The following KIAA1217 variants were observed in gnomAD, a reference collection of about 807,000 sequenced individuals.
KIAA1217 encodes the protein sickle tail protein homolog.
Under a neutral mutation model 163.9 loss-of-function variants are expected in KIAA1217, and 88 were observed. The ratio of observed to expected loss-of-function variants is 0.54; its 90% CI spans 0.45 to 0.64. The LOEUF is 0.64. KIAA1217 is among the 30% of genes least tolerant of loss of function. The pLI, the probability that KIAA1217 is intolerant of heterozygous loss-of-function variation, is 0.00. For missense variants in KIAA1217, 2,372 were observed against 2,475.0 expected, an observed-to-expected ratio of 0.96 and a Z score of 0.88; for synonymous variants, 903 against 923.1, an observed-to-expected ratio of 0.98 and a Z score of 0.39.
At chr10:24,490,317 T>A (rs2065950347) in intron 6 of KIAA1217, among the ~76,000 whole-genome samples, 1 of 152,228 alleles carries the variant, frequency 6.6e-6, no homozygotes, top group African/African-American at 2.4e-5. Context: ...AGCCTAAATG[T>A]CTTTAATATT....
intron 4 of KIAA1217, among the ~76,000 whole-genome samples, chr10:24,437,955 A>T (rs1187892299): frequency 1.3e-5 from 2 of 150,230 alleles, no homozygotes; most frequent in African/African-American, 4.9e-5. Context: ...TTTCATGTAC[A>T]TTCATTAGAT....
chr10:24,071,878 T>A (rs1217746992), intron 2 of KIAA1217, among the ~76,000 whole-genome samples: 2 of 152,196 alleles, frequency 1.3e-5, no homozygotes, highest in Non-Finnish European at 2.9e-5. Context: ...AAATATTTAT[T>A]TAGAAAATAA....
intron 3 of KIAA1217, among the ~76,000 whole-genome samples, chr10:24,392,704 T>C (rs2055147277): frequency 6.6e-6 from 1 of 152,226 alleles, no homozygotes; most frequent in African/African-American, 2.4e-5. Flanking sequence ...ACTCTACACT[T>C]TCCCCGGGAA....
intron 1 of KIAA1217, among the ~76,000 whole-genome samples, chr10:23,749,068 A>G (rs541983348): frequency 6.6e-6 from 1 of 152,282 alleles, no homozygotes; most frequent in Admixed American, 6.5e-5. Flanking sequence ...GTATATTTCC[A>G]GAAGTGGACA....
At chr10:23,980,610 G>T (rs1314164905) in intron 1 of KIAA1217, among the ~76,000 whole-genome samples, 1 of 152,146 alleles carries the variant, frequency 6.6e-6, no homozygotes, top group Admixed American at 6.5e-5. Context: ...ATGTTGTAAG[G>T]CATCAGAAAA....
Position 24,103,396 on chromosome 10 carries a change from T to C in KIAA1217, c.-171+96022T>C, listed in dbSNP as rs546438383. 4.6e-4 allele frequency among the ~76,000 whole-genome samples: 70 copies of C among 152,260 alleles called. 1 individual carries two copies. In the South Asian group the frequency reaches 0.013, roughly 29 times the overall value. On this transcript the variant is annotated intron_variant, in intron 2 of 18. Coordinates refer to the KIAA1217 transcript ENST00000376462. Reference sequence around the variant, plus strand: ...AAGCCACAATCCATGAAATAAATAATTGATAAGCCAGCCTACATCAAAAAT... The same window carrying C: ...AAGCCACAATCCATGAAATAAATAACTGATAAGCCAGCCTACATCAAAAAT...
At chr10:24,221,600 T>C (rs1427704317) in intron 2 of KIAA1217, among the ~76,000 whole-genome samples, 1 of 152,216 alleles carries the variant, frequency 6.6e-6, no homozygotes, top group Non-Finnish European at 1.5e-5. Context: ...ATTATCTGAG[T>C]GGCTAAAAAT....
intron 1 of KIAA1217, among the ~76,000 whole-genome samples, chr10:23,703,913 T>C (rs1836659744): frequency 6.6e-6 from 1 of 151,454 alleles, no homozygotes; most frequent in Non-Finnish European, 1.5e-5. Context: ...AAACTGCATT[T>C]TTGTTTTTGT....
intron 1 of KIAA1217, among the ~76,000 whole-genome samples, chr10:23,867,437 C>T (rs2131151502): frequency 6.6e-6 from 1 of 152,260 alleles, no homozygotes; most frequent in African/African-American, 2.4e-5. Flanking sequence ...CTGACTTCCA[C>T]AATGGTTGAA....
At chr10:24,433,603 G>A (rs1004294686) in intron 4 of KIAA1217, among the ~76,000 whole-genome samples, 14 of 152,268 alleles carry the variant, frequency 9.2e-5, no homozygotes, top group African/African-American at 3.1e-4. Context: ...AAGGGTTAGG[G>A]AAACTAAGGC....
Position 23,857,092 on chromosome 10 carries a change from G to A in KIAA1217, c.-320-150133G>A, listed in dbSNP as rs899305979. On this transcript the variant is annotated intron_variant, in intron 1 of 18. Coordinates refer to the KIAA1217 transcript ENST00000376462. Reference sequence around the variant, plus strand: ...TCAGATGGAAATGCAGAAATCACCCGTCTTCTGTGTCGCTCAGGCTGGGAG... The same window carrying A: ...TCAGATGGAAATGCAGAAATCACCCATCTTCTGTGTCGCTCAGGCTGGGAG... Among the ~76,000 whole-genome samples, 14 of 152,308 alleles carry A rather than the reference G, an allele frequency of 9.2e-5. 1 individual carries two copies. Among genetic ancestry groups the A allele is most frequent in the East Asian group, 1.9e-4 (1 of 5,186 alleles).
At chr10:24,372,054 T>C (rs11014064) in intron 2 of KIAA1217, among the ~76,000 whole-genome samples, 77,089 of 151,760 alleles carry the variant, frequency 0.51, 21,836 homozygotes, top group African/African-American at 0.77. Flanking sequence ...ACTCCTGGAG[T>C]GGGGAGGCAG....
At chr10:24,382,036 T>G (rs2053380439) in intron 3 of KIAA1217, among the ~76,000 whole-genome samples, 1 of 151,858 alleles carries the variant, frequency 6.6e-6, no homozygotes, top group Non-Finnish European at 1.5e-5. Context: ...TTTTTTGTAT[T>G]GGAAGTTTAC....
At chr10:24,252,041 G>A (rs1427722867) in intron 2 of KIAA1217, among the ~76,000 whole-genome samples, 1 of 152,008 alleles carries the variant, frequency 6.6e-6, no homozygotes, top group African/African-American at 2.4e-5. Context: ...GAAAGGATCA[G>A]TTTCTATCTA....
At chr10:24,270,875 A>C in intron 2 of KIAA1217, among the ~76,000 whole-genome samples, 1 of 152,132 alleles carries the variant, frequency 6.6e-6, no homozygotes, top group East Asian at 1.9e-4. Flanking sequence ...GATATTTGGG[A>C]GTAACTGTGG....
Position 24,507,829 on chromosome 10 carries a change from A to T in KIAA1217, c.2002-5430A>T, listed in dbSNP as rs150214836. On this transcript the variant is annotated intron_variant, in intron 9 of 20. Transcript: ENST00000376454. The stretch of plus-strand genomic sequence containing the variant: ...TGGTAGTCAAATTGCTAAAAACCAG[A>T]GATAAATGGAAAAATCTTCAAAGCA... Among the ~76,000 whole-genome samples, 583 of 152,342 alleles carry T rather than the reference A, an allele frequency of 3.8e-3. 3 individuals are homozygous for T. The highest frequency in any genetic ancestry group is 0.013 in the African/African-American group (556 of 41,572).
At chr10:23,913,119 CT>C (rs1373694998) in intron 1 of KIAA1217, among the ~76,000 whole-genome samples, 1 of 152,162 alleles carries the variant, frequency 6.6e-6, no homozygotes, top group Non-Finnish European at 1.5e-5. Context: ...CTAAGACAGC[CT>C]GTGAGTTTAC....
At chr10:24,146,988 A>T (rs1329387118) in intron 2 of KIAA1217, among the ~76,000 whole-genome samples, 1 of 150,684 alleles carries the variant, frequency 6.6e-6, no homozygotes, top group Non-Finnish European at 1.5e-5. Flanking sequence ...TCACTTAAGG[A>T]ACATGTTTTT....
At chr10:23,799,477 C>A (rs1836370409) in intron 1 of KIAA1217, among the ~76,000 whole-genome samples, 1 of 151,914 alleles carries the variant, frequency 6.6e-6, no homozygotes, top group Non-Finnish European at 1.5e-5. Flanking sequence ...CAGCCTATTT[C>A]TTTCCATTTT....
Sources: gnomAD v4.1 joint callset for allele counts (sites outside exome capture counted in the v4.1 genomes callset) on GRCh38, gnomAD v4.1.1 for gene constraint, MANE v1.5 for transcripts, NCBI Gene and HGNC (gene_info 2026-07-23, HGNC 2026-07-21) for gene names.